RBFOX1: variants seen among roughly 807,000 people sequenced by gnomAD.
The protein encoded by RBFOX1 is RNA binding protein fox-1 homolog 1.
Under a neutral mutation model 57.7 loss-of-function variants are expected in RBFOX1, and 8 were observed. The observed-to-expected ratio is 0.14, with a 90% CI of 0.08 to 0.25. The LOEUF (loss-of-function observed/expected upper bound fraction) is 0.25, where lower values mean the gene tolerates loss of function less well. Among genes scored for constraint, RBFOX1 ranks in the 10% least tolerant of loss-of-function variants. The probability of loss-of-function intolerance (pLI) is 1.00; values close to 1 mark genes in which losing one functional copy is unlikely to be tolerated. For missense variants in RBFOX1, 611 were observed against 548.5 expected, an observed-to-expected ratio of 1.11 and a Z score of -1.14; for synonymous variants, 326 against 222.4, an observed-to-expected ratio of 1.47 and a Z score of -4.15.
intron 4 of RBFOX1, among the ~76,000 whole-genome samples, chr16:7,511,961 A>G (rs2075212111): frequency 6.6e-6 from 1 of 152,196 alleles, no homozygotes; most frequent in Non-Finnish European, 1.5e-5. Context: ...TTAAACGTTA[A>G]GTTTGCAAAA....
At chr16:5,826,280 T>G (rs1427607479) in intron 3 of RBFOX1, among the ~76,000 whole-genome samples, 2 of 152,070 alleles carry the variant, frequency 1.3e-5, no homozygotes, top group African/African-American at 4.8e-5. Context: ...ACCTGAAATA[T>G]ACTGTGCCCC....
chr16:5,595,468 C>CT (rs2047151067), intron 2 of RBFOX1, among the ~76,000 whole-genome samples: 1 of 152,188 alleles, frequency 6.6e-6, no homozygotes, highest in Non-Finnish European at 1.5e-5. Flanking sequence ...GGGAGCAGAA[C>CT]TTGCAGGGAA....
chr16:6,511,958 T>C (rs1191395838), intron 2 of RBFOX1, among the ~76,000 whole-genome samples: 1 of 152,042 alleles, frequency 6.6e-6, no homozygotes, highest in Admixed American at 6.6e-5. Flanking sequence ...GGTCTTTCCC[T>C]GAGACTTACC....
In RBFOX1 at chr16:5,443,957, A is replaced by G. The variant is rs145910480; in HGVS notation, c.220-23259A>G. On this transcript the variant is annotated intron_variant, in intron 1 of 2. Coordinates refer to the RBFOX1 transcript ENST00000585867. ...AGCAGTATGAGAGGAAGTGTCAGGC[A>G]TGTCAACCATCGGCTCATGAAACAT... Among the ~76,000 whole-genome samples the G allele has an allele frequency of 3.0e-3, 463 of 152,310 alleles. 4 individuals carry two copies. The highest frequency in any genetic ancestry group is 0.024 in the South Asian group (117 of 4,830).
chr16:5,934,419 A>T (rs184282701), intron 4 of RBFOX1, among the ~76,000 whole-genome samples: 2 of 152,200 alleles, frequency 1.3e-5, no homozygotes, highest in Non-Finnish European at 2.9e-5. Context: ...TTCTAAATCT[A>T]TTACTTTCTT....
chr16:5,643,084 G>A (rs1664086783), intron 3 of RBFOX1, among the ~76,000 whole-genome samples: 1 of 152,166 alleles, frequency 6.6e-6, no homozygotes, highest in Admixed American at 6.5e-5. Flanking sequence ...GATATGGGCA[G>A]AGGCTCCGTG....
intron 3 of RBFOX1, among the ~76,000 whole-genome samples, chr16:6,677,586 C>T (rs940454716): frequency 1.3e-5 from 2 of 152,108 alleles, no homozygotes; most frequent in African/African-American, 4.8e-5. Flanking sequence ...CTCAGCAGTT[C>T]ATTAGAGCCT....
chr16:5,932,132 G>C (rs1284361843), intron 4 of RBFOX1, among the ~76,000 whole-genome samples: 2 of 152,172 alleles, frequency 1.3e-5, no homozygotes, highest in Admixed American at 1.3e-4. Context: ...TCCTAAGAGA[G>C]GAAGAATGAT....
chr16:6,362,643 A>G (rs554431195), intron 2 of RBFOX1, among the ~76,000 whole-genome samples: 1 of 152,354 alleles, frequency 6.6e-6, no homozygotes, highest in East Asian at 1.9e-4. Context: ...ATAGACTGAT[A>G]CTAGAATCCT....
intron 2 of RBFOX1, among the ~76,000 whole-genome samples, chr16:6,643,488 T>G (rs894239243): frequency 6.6e-6 from 1 of 152,204 alleles, no homozygotes; most frequent in Non-Finnish European, 1.5e-5. Context: ...TGAAGAATTC[T>G]GCTGAAAGGC....
chr16:6,821,830 CA>C (rs1320813073), intron 3 of RBFOX1, among the ~76,000 whole-genome samples: 1 of 152,128 alleles, frequency 6.6e-6, no homozygotes, highest in African/African-American at 2.4e-5. Context: ...CTGTTATGAA[CA>C]TGAAGGTGCA....
At chr16:6,549,848 C>T (rs1182552516) in intron 2 of RBFOX1, among the ~76,000 whole-genome samples, 2 of 152,110 alleles carry the variant, frequency 1.3e-5, no homozygotes, top group Admixed American at 6.5e-5. Context: ...CAAAAGGAAA[C>T]ACAAGCACAC....
intron 1 of RBFOX1, among the ~76,000 whole-genome samples, chr16:6,058,630 C>G (rs1215819818): frequency 6.7e-6 from 1 of 149,570 alleles, no homozygotes; most frequent in South Asian, 2.1e-4. Flanking sequence ...ATCCATCTAC[C>G]CACCCATCCA....
intron 3 of RBFOX1, among the ~76,000 whole-genome samples, chr16:5,837,787 G>A (rs571564162): frequency 6.1e-4 from 93 of 152,230 alleles, no homozygotes; most frequent in Non-Finnish European, 1.1e-3. Context: ...AGACTTCCCT[G>A]AAGGCAGGGT....
At chr16:7,410,469 G>C (rs926085126) in intron 4 of RBFOX1, among the ~76,000 whole-genome samples, 3 of 152,188 alleles carry the variant, frequency 2.0e-5, no homozygotes, top group Admixed American at 6.5e-5. Context: ...ATTACATGAG[G>C]TTGGGAGTTC....
intron 4 of RBFOX1, among the ~76,000 whole-genome samples, chr16:7,232,575 C>T (rs1185999166): frequency 6.6e-6 from 1 of 152,142 alleles, no homozygotes; most frequent in Non-Finnish European, 1.5e-5. Context: ...GCATAAGCGG[C>T]TCATGCCTGT....
chr16:7,630,849 C>G (rs1213194137), intron 11 of RBFOX1, among the ~76,000 whole-genome samples, 166 bp downstream of exon 11: 1 of 152,138 alleles, frequency 6.6e-6, no homozygotes, highest in African/African-American at 2.4e-5. Flanking sequence ...ATGCCACTTC[C>G]CAGATGTCCT....
rs1010675585 is a variant in RBFOX1, at chr16:5,753,486, C to G, written c.319-113817C>G. Among the ~76,000 whole-genome samples the G allele has an allele frequency of 2.0e-4, 31 of 152,162 alleles. 1 individual carries two copies. The highest frequency in any genetic ancestry group is 1.3e-4 in the Admixed American group (2 of 15,284). On this transcript the variant is annotated intron_variant, in intron 3 of 19. Transcript: ENST00000641259. ...CCATATGGTAGACAGAGGAATCCCT[C>G]TAAATATGCGGCAACGGAGTTGCTT...
At chr16:6,751,263 T>A (rs1160585809) in intron 3 of RBFOX1, among the ~76,000 whole-genome samples, 1 of 152,110 alleles carries the variant, frequency 6.6e-6, no homozygotes, top group East Asian at 1.9e-4. Context: ...GACTCTAGAA[T>A]GGATGGGGAG....
Sources: gnomAD v4.1 joint callset for allele counts (sites outside exome capture counted in the v4.1 genomes callset) on GRCh38, gnomAD v4.1.1 for gene constraint, MANE v1.5 for transcripts, NCBI Gene and HGNC (gene_info 2026-07-23, HGNC 2026-07-21) for gene names.